Variants in CATSPERT observed in about 807,000 individuals in gnomAD.
CATSPERT encodes cation channel sperm-associated targeting subunit tau.
At chr2:201,545,629 C>CAAAAAAAAAAAA in the CATSPERT span, 14 of 156,532 alleles carry the variant, frequency 8.9e-5, no homozygotes, top group African/African-American at 1.7e-4. Flanking sequence ...TTCCTAGAAG[C>CAAAAAAAAAAAA]AAAAAAAAAA....
chr2:201,538,933 C>G, the CATSPERT span, among the ~76,000 whole-genome samples: 1 of 152,112 alleles, frequency 6.6e-6, no homozygotes, highest in Non-Finnish European at 1.5e-5. Context: ...GTTTTCTGTT[C>G]CTGCATTTGT....
chr2:201,545,648 A>AAAAAAG, the CATSPERT span: 6 of 833,716 alleles, frequency 7.2e-6, no homozygotes, highest in South Asian at 9.4e-5. Flanking sequence ...AAAAAAAAAA[A>AAAAAAG]AAAAAGAAAA....
chr2:201,525,600 A>G, the CATSPERT span, among the ~76,000 whole-genome samples: 1 of 152,182 alleles, frequency 6.6e-6, no homozygotes, highest in African/African-American at 2.4e-5. Flanking sequence ...CCAGCAGAAG[A>G]AAAGAAATAA....
At chr2:201,492,203 G>C in the CATSPERT span, 1 of 1,520,004 alleles carries the variant, frequency 6.6e-7, no homozygotes, top group Non-Finnish European at 8.8e-7. Context: ...TTTTCTGAAT[G>C]CTTCTCCACA....
chr2:201,531,578 C>G, the CATSPERT span, among the ~76,000 whole-genome samples: 2 of 152,034 alleles, frequency 1.3e-5, no homozygotes, highest in African/African-American at 4.8e-5. Context: ...AATTACTTTA[C>G]ATAGAGTGGT....
the CATSPERT span, among the ~76,000 whole-genome samples, chr2:201,611,866 C>A: frequency 6.6e-6 from 1 of 152,184 alleles, no homozygotes; most frequent in Non-Finnish European, 1.5e-5. Flanking sequence ...GGTCTCCATG[C>A]TCTAGTGGTA....
the CATSPERT span, chr2:201,582,333 T>C: frequency 1.2e-4 from 119 of 997,534 alleles, no homozygotes; most frequent in Non-Finnish European, 1.6e-4. Context: ...CAAATACTAT[T>C]GCATACTATA....
chr2:201,535,974 T>G, the CATSPERT span: 32 of 1,605,382 alleles, frequency 2.0e-5, no homozygotes, highest in Admixed American at 5.1e-4. Flanking sequence ...TGGAGATGAA[T>G]CTAAGTTCCT....
chr2:201,553,777 C>T, the CATSPERT span: 2 of 152,158 alleles, frequency 1.3e-5, no homozygotes, highest in African/African-American at 4.8e-5. Context: ...AACTAAACAT[C>T]TATACAGAAA....
chr2:201,494,489 T>C, the CATSPERT span: 1 of 1,537,186 alleles, frequency 6.5e-7, no homozygotes, highest in Non-Finnish European at 8.7e-7. Flanking sequence ...AAACCCTTTA[T>C]TGTATTGATA....
the CATSPERT span, among the ~76,000 whole-genome samples, chr2:201,598,293 T>TG: frequency 6.6e-6 from 1 of 152,140 alleles, no homozygotes; most frequent in African/African-American, 2.4e-5. Context: ...TTTGTAGAGA[T>TG]GGGGCCTCAC....
the CATSPERT span, among the ~76,000 whole-genome samples, chr2:201,593,412 A>C: frequency 6.6e-6 from 1 of 151,840 alleles, no homozygotes; most frequent in African/African-American, 2.4e-5. Context: ...CTATGTGGTC[A>C]ATTTTGGAAT....
the CATSPERT span, among the ~76,000 whole-genome samples, chr2:201,563,185 G>GT: frequency 6.8e-5 from 8 of 117,866 alleles, no homozygotes; most frequent in African/African-American, 1.3e-4. Flanking sequence ...GGCTGGCCGG[G>GT]CGGGGGCTGA....
the CATSPERT span, among the ~76,000 whole-genome samples, chr2:201,584,125 C>CA: frequency 6.6e-6 from 1 of 151,502 alleles, no homozygotes; most frequent in Non-Finnish European, 1.5e-5. Flanking sequence ...CCCATCTCTA[C>CA]AAAAAAATAC....
the CATSPERT span, among the ~76,000 whole-genome samples, chr2:201,525,104 C>T: frequency 2.0e-5 from 3 of 152,128 alleles, no homozygotes; most frequent in Admixed American, 2.0e-4. Context: ...GACATTTGAC[C>T]AAGTGGACCT....
the CATSPERT span, among the ~76,000 whole-genome samples, chr2:201,604,117 G>A: frequency 2.2e-4 from 34 of 151,226 alleles, no homozygotes; most frequent in African/African-American, 8.2e-4. Flanking sequence ...TAGATACTGC[G>A]TCCTCCCTCT....
chr2:201,584,734 G>A, the CATSPERT span, among the ~76,000 whole-genome samples: 33 of 152,176 alleles, frequency 2.2e-4, no homozygotes, highest in African/African-American at 7.5e-4. Context: ...AGTCAGCCAA[G>A]ATCGTGCCAC....
At chr2:201,544,173 A>G in the CATSPERT span, among the ~76,000 whole-genome samples, 7 of 152,126 alleles carry the variant, frequency 4.6e-5, no homozygotes, top group East Asian at 1.9e-4. Context: ...CCATTTCCCT[A>G]CAAAGGACAT....
chr2:201,502,898 G>T, the CATSPERT span, among the ~76,000 whole-genome samples: 42,099 of 146,734 alleles, frequency 0.29, 6,254 homozygotes, highest in Admixed American at 0.38. Flanking sequence ...ATACTGTGTT[G>T]TTTTTTTTTT....
Sources: allele counts gnomAD v4.1 joint callset (sites outside exome capture counted in the v4.1 genomes callset), GRCh38; gene constraint gnomAD v4.1.1; transcripts MANE v1.5; gene names NCBI Gene and HGNC (gene_info 2026-07-23, HGNC 2026-07-21).